The following DHX9 variants were observed in gnomAD, a reference collection of about 807,000 sequenced individuals.
DHX9 encodes DExH-box helicase 9, also known as ATP-dependent RNA helicase A.
A neutral mutation model predicts 148.7 loss-of-function variants in DHX9; 27 were observed. The ratio of observed to expected loss-of-function variants is 0.18; its 90% confidence interval spans 0.13 to 0.25. The LOEUF (loss-of-function observed/expected upper bound fraction) is 0.25. Among genes scored for constraint, DHX9 ranks in the 10% least tolerant of loss-of-function variants. The pLI, the probability that DHX9 is intolerant of heterozygous loss-of-function variation, is 1.00. For missense variants in DHX9, 796 were observed against 1,559.6 expected, an observed-to-expected ratio of 0.51 and a Z score of 8.25; for synonymous variants, 529 against 516.6, an observed-to-expected ratio of 1.02 and a Z score of -0.33.
intron 20 of DHX9, 105 bp downstream of exon 20, chr1:182,878,278 T>TG (rs1648914676): frequency 2.3e-6 from 3 of 1,295,040 alleles, no homozygotes; most frequent in East Asian, 4.7e-5. Flanking sequence ...ATCTAAGTCT[T>TG]GCCAGCCATG....
chr1:182,883,020 C>A (rs1015223163), intron 24 of DHX9, 119 bp from the exon 25 acceptor site: 4 of 669,204 alleles, frequency 6.0e-6, no homozygotes, highest in Non-Finnish European at 1.0e-5. Context: ...GTTTTACAGA[C>A]AGGTTATGTG....
In DHX9 at chr1:182,858,614, G is replaced by C; in HGVS notation, c.874G>C (p.Glu292Gln). The part of the protein sequence containing the change: ...LEHQLQNIIQ[E>Q]LNLEILPPPE... ...GCATCAGCTGCAAAACATCATTCAA[G>C]AGCTAAATCTTGAGATTTTGCCCCC... Residue 292 changes from glutamate to glutamine, a missense_variant, in exon 9 of 28, where the codon GAG becomes CAG. Physicochemically the swap from Glu to Gln is conservative, Grantham distance 29. This residue lies in a region of DHX9 where 63 missense variants were observed against 78.6 expected (regional missense o/e 0.80). Coordinates refer to ENST00000367549, the MANE Select transcript of DHX9 (RefSeq NM_001357.5). 1.9e-6 allele frequency: 3 copies of C among 1,610,498 alleles called. No individual in the cohort carries two copies. The highest frequency in any genetic ancestry group is 1.7e-6 in the Non-Finnish European group (2 of 1,177,266).
chr1:182,853,930 C>T, intron 5 of DHX9, 100 bp from the exon 6 acceptor site: 6 of 1,063,308 alleles, frequency 5.6e-6, no homozygotes, highest in South Asian at 4.0e-5. Context: ...ACAGCTTTTG[C>T]ATTATAAAGG....
At chr1:182,856,465 TG>T in intron 6 of DHX9, 66 bp from the exon 7 acceptor site, 1 of 1,429,134 alleles carries the variant, frequency 7.0e-7, no homozygotes. Context: ...CTGCCTGACT[TG>T]GGAGACCTGG....
At chr1:182,879,484 A>G in intron 21 of DHX9, 74 bp downstream of exon 21, 3 of 1,299,092 alleles carry the variant, frequency 2.3e-6, no homozygotes, top group Non-Finnish European at 3.0e-6. Context: ...GATAACACTT[A>G]CAAATGAATC....
chr1:182,851,421 A>G (rs1293246312), intron 3 of DHX9, among the ~76,000 whole-genome samples: 2 of 152,100 alleles, frequency 1.3e-5, no homozygotes, highest in Non-Finnish European at 1.5e-5. Context: ...TTTATTCAAA[A>G]TAATAATAGT....
intron 14 of DHX9, 123 bp from the exon 15 acceptor site, chr1:182,872,214 C>T: frequency 3.9e-6 from 3 of 766,822 alleles, no homozygotes; most frequent in Non-Finnish European, 6.2e-6. Context: ...TATCTTGGCA[C>T]TTCTGTGAGT....
intron 27 of DHX9, among the ~76,000 whole-genome samples, chr1:182,886,193 A>C (rs1389066405): frequency 9.1e-6 from 1 of 110,076 alleles, no homozygotes; most frequent in Non-Finnish European, 1.7e-5. Context: ...AAATTTATTT[A>C]TTTATTTATT....
chr1:182,883,429 A>T, intron 25 of DHX9, 61 bp downstream of exon 25: 1 of 1,581,858 alleles, frequency 6.3e-7, no homozygotes, highest in African/African-American at 1.3e-5. Flanking sequence ...ATCATTAGGA[A>T]CATGAATTTT....
intron 22 of DHX9, 52 bp from the exon 23 acceptor site, chr1:182,881,212 T>TGCTCA (rs1649071857): frequency 3.2e-6 from 5 of 1,566,422 alleles, no homozygotes; most frequent in African/African-American, 2.7e-5. Flanking sequence ...CCTGAGCTGC[T>TGCTCA]GGCAACAACA....
chr1:182,847,849 C>G (rs1414452967), intron 3 of DHX9, among the ~76,000 whole-genome samples: 1 of 152,082 alleles, frequency 6.6e-6, no homozygotes, highest in Non-Finnish European at 1.5e-5. Flanking sequence ...GCATATAGTT[C>G]TGGTGTGTTG....
chr1:182,843,483 A>G, intron 3 of DHX9, 49 bp downstream of exon 3: 3 of 1,470,552 alleles, frequency 2.0e-6, no homozygotes, highest in Non-Finnish European at 2.7e-6. Context: ...AAAGTTGTAC[A>G]AACTCAATAT....
At chr1:182,885,276 ATT>A (rs1261690115) in intron 27 of DHX9, among the ~76,000 whole-genome samples, 1 of 152,174 alleles carries the variant, frequency 6.6e-6, no homozygotes, top group African/African-American at 2.4e-5. Flanking sequence ...AATTCTTAAA[ATT>A]TTTATTTGCT....
At chr1:182,884,922 A>G (rs1324093559) in intron 27 of DHX9, 109 bp downstream of exon 27, 1 of 934,602 alleles carries the variant, frequency 1.1e-6, no homozygotes, top group Non-Finnish European at 1.7e-6. Flanking sequence ...GTAAAATTCT[A>G]GATATAGATA....
chr1:182,878,678 A>AT (rs1290251598), intron 20 of DHX9, among the ~76,000 whole-genome samples: 1 of 152,054 alleles, frequency 6.6e-6, no homozygotes, highest in Non-Finnish European at 1.5e-5. Context: ...GTGGTTTTGG[A>AT]TTTTTTTTCT....
chr1:182,877,021 T>G, intron 19 of DHX9, 118 bp downstream of exon 19: 1 of 648,786 alleles, frequency 1.5e-6, no homozygotes. Flanking sequence ...ATCTCCAAAA[T>G]TATTGTGCAT....
In DHX9 at chr1:182,883,452, A is replaced by T. The variant is rs1649177116; in HGVS notation, c.3145-68A>T. 22 of 1,575,092 alleles carry T rather than the reference A, an allele frequency of 1.4e-5. No homozygotes were observed. The South Asian group carries it at 2.2e-4, about 16-fold the overall frequency. On this transcript the variant is annotated intron_variant, in intron 25 of 27. Coordinates refer to ENST00000367549, the MANE Select transcript of DHX9 (RefSeq NM_001357.5). ...GAACATGAATTTTGATTTTCAAAGCACAGTATATAGCGGTATTTGGAAGTT... is the reference window on the plus strand; with the variant it reads ...GAACATGAATTTTGATTTTCAAAGCTCAGTATATAGCGGTATTTGGAAGTT...
Position 182,883,522 on chromosome 1 carries a change from T to C in DHX9, c.3147T>C (p.Ile1049=). 1 of 1,613,180 alleles carries C rather than the reference T, an allele frequency of 6.2e-7. No homozygotes were observed. The highest frequency in any genetic ancestry group is 1.1e-5 in the South Asian group (1 of 91,058). Residue 1049 remains isoleucine, a splice_region_variant and synonymous_variant, in exon 26 of 28, where the codon ATT becomes ATC. Transcript: ENST00000367549. ...PSPFFVFGEK[I]RTRAISAKGM... is the part of the protein sequence containing the mutation. ...ATTGTCTCTTTCTCCATTTGCAGAT[T>C]CGAACTCGAGCCATCTCTGCTAAAG...
At chr1:182,864,820 TC>T (rs1648217214) in intron 12 of DHX9, among the ~76,000 whole-genome samples, 1 of 152,230 alleles carries the variant, frequency 6.6e-6, no homozygotes, top group African/African-American at 2.4e-5. Flanking sequence ...TATCATGTCT[TC>T]CTTGGGATTT....
Sources: gnomAD v4.1 joint callset for allele counts (sites outside exome capture counted in the v4.1 genomes callset) on GRCh38, gnomAD v4.1.1 for gene constraint, gnomAD v4.1.1 regional missense constraint, MANE v1.5 for transcripts, NCBI Gene and HGNC (gene_info 2026-07-23, HGNC 2026-07-21) for gene names.